The following LRRK2 variants were observed in gnomAD, a reference collection of about 807,000 sequenced individuals.
LRRK2 encodes leucine rich repeat kinase 2.
Under a neutral mutation model 302.6 loss-of-function variants are expected in LRRK2, and 203 were observed. The ratio of observed to expected loss-of-function variants is 0.67; its 90% CI spans 0.60 to 0.75. The LOEUF is 0.75. LRRK2 is among the 30% of genes least tolerant of loss of function. LRRK2 has a pLI of 0.00. For missense variants in LRRK2, 2,830 were observed against 2,951.0 expected (o/e 0.96, Z 0.95); for synonymous variants, 1,066 against 1,031.9 (o/e 1.03, Z -0.63).
chr12:40,288,242 T>G (rs1290147489), intron 20 of LRRK2, among the ~76,000 whole-genome samples: 2 of 151,838 alleles, frequency 1.3e-5, no homozygotes, highest in Non-Finnish European at 2.9e-5. Context: ...AAATCAAGTG[T>G]AGTGATTTAT....
At chr12:40,298,778 A>AATATATATATATATATATATATATATT (rs113272586) in intron 24 of LRRK2, among the ~76,000 whole-genome samples, 1 of 60,634 alleles carries the variant, frequency 1.6e-5, no homozygotes, top group Non-Finnish European at 3.2e-5. Flanking sequence ...GTCTCAAAGA[A>AATATATATATATATATATATATATATT]ATATATATAT....
intron 41 of LRRK2, among the ~76,000 whole-genome samples, chr12:40,341,298 G>T (rs536369318): frequency 6.6e-6 from 1 of 152,128 alleles, no homozygotes; most frequent in Non-Finnish European, 1.5e-5. Context: ...TTAAATCACC[G>T]TGCCTGGCAC....
chr12:40,348,456 T>C lies in LRRK2; in HGVS notation c.6328T>C (p.Leu2110=). 1 of 1,613,008 alleles carries C rather than the reference T, an allele frequency of 6.2e-7. No individual in the cohort carries two copies. Among genetic ancestry groups the C allele is most frequent in the Non-Finnish European group, 8.5e-7 (1 of 1,179,226 alleles). The change falls in exon 43 of 51, where the codon TTA becomes CTA. Residue 2110 remains leucine, a synonymous_variant. Coordinates refer to ENST00000298910, the MANE Select transcript of LRRK2 (RefSeq NM_198578.4). ...TGCCCCATGGCCTATGGTTGAGAAA[T>C]TAATTAAACAGTGTTTGAAAGAAAA... ...GCAPWPMVEK[L]IKQCLKENPQ...
At chr12:40,265,658 G>T (rs1219891542) in intron 14 of LRRK2, among the ~76,000 whole-genome samples, 1 of 152,128 alleles carries the variant, frequency 6.6e-6, no homozygotes. Flanking sequence ...CCACCCAGGG[G>T]TGTGTGTTTT....
At chr12:40,268,663 A>T (rs1202221431) in intron 14 of LRRK2, among the ~76,000 whole-genome samples, 1 of 152,172 alleles carries the variant, frequency 6.6e-6, no homozygotes, top group Non-Finnish European at 1.5e-5. Context: ...TGTATGAAAA[A>T]ATTAATACAT....
intron 39 of LRRK2, among the ~76,000 whole-genome samples, chr12:40,329,901 A>G (rs947250179): frequency 3.9e-5 from 6 of 152,172 alleles, no homozygotes; most frequent in African/African-American, 1.4e-4. Context: ...ATATTTTTAA[A>G]AAACGTACTT....
At chr12:40,338,150 T>C (rs940940266) in intron 40 of LRRK2, among the ~76,000 whole-genome samples, 24 of 150,896 alleles carry the variant, frequency 1.6e-4, no homozygotes, top group African/African-American at 5.3e-4. Flanking sequence ...TACCTCAGTG[T>C]TTTTCTCCCT....
Position 40,257,272 on chromosome 12 carries a change from C to T in LRRK2, c.1313C>T (p.Ser438Leu), listed in dbSNP as rs755782193. The part of the protein sequence containing the change: ...QNVNFRKILL[S>L]KGIHLNVLEL... ...GTTAATTTCAGAAAAATACTGTTAT[C>T]AAAAGGAATACACCTGAATGTTTTG... is the stretch of plus-strand genomic sequence containing the variant. The change falls in exon 12 of 51, where the codon TCA becomes TTA. Residue 438 changes from serine to leucine, a missense_variant. Ser to Leu is a moderately radical substitution (Grantham distance 145). Coordinates refer to ENST00000298910, the MANE Select transcript of LRRK2 (RefSeq NM_198578.4). 6.3e-7 allele frequency: 1 copy of T among 1,581,686 alleles called. No homozygotes were observed. The highest frequency in any genetic ancestry group is 8.7e-7 in the Non-Finnish European group (1 of 1,151,084).
chr12:40,250,750 C>A (rs1468791782), intron 8 of LRRK2, among the ~76,000 whole-genome samples: 2 of 152,202 alleles, frequency 1.3e-5, no homozygotes, highest in South Asian at 2.1e-4. Flanking sequence ...TAAGTGAGAA[C>A]ACGCAGTGTG....
At chr12:40,269,355 T>C (rs1381637645) in intron 14 of LRRK2, among the ~76,000 whole-genome samples, 1 of 152,168 alleles carries the variant, frequency 6.6e-6, no homozygotes, top group Non-Finnish European at 1.5e-5. Context: ...GGTTGAAGCA[T>C]GTGACTAATT....
intron 39 of LRRK2, among the ~76,000 whole-genome samples, chr12:40,334,417 C>G (rs1003348543): frequency 6.6e-6 from 1 of 152,108 alleles, no homozygotes; most frequent in African/African-American, 2.4e-5. Flanking sequence ...TTGACCTCCC[C>G]AAAAAACTGA....
intron 20 of LRRK2, among the ~76,000 whole-genome samples, chr12:40,292,828 T>A (rs1944211298): frequency 6.6e-6 from 1 of 152,000 alleles, no homozygotes; most frequent in African/African-American, 2.4e-5. Context: ...TTTTTATTGA[T>A]CTTTGTTTTC....
intron 37 of LRRK2, 51 bp from the exon 38 acceptor site, chr12:40,323,105 TTATG>T: frequency 1.3e-6 from 2 of 1,497,866 alleles, no homozygotes; most frequent in South Asian, 2.3e-5. Flanking sequence ...AACCACAAAT[TTATG>T]TATCTCCTTA....
intron 47 of LRRK2, among the ~76,000 whole-genome samples, chr12:40,362,009 C>A (rs574096121): frequency 5.9e-5 from 9 of 151,998 alleles, no homozygotes; most frequent in Non-Finnish European, 1.2e-4. Flanking sequence ...GGACCTTGAG[C>A]AAATTATTTA....
chr12:40,284,682 A>G (rs1943846823), intron 19 of LRRK2, among the ~76,000 whole-genome samples: 1 of 152,080 alleles, frequency 6.6e-6, no homozygotes, highest in African/African-American at 2.4e-5. Flanking sequence ...ATGGTAAGTT[A>G]CCATCTTCTG....
At chr12:40,253,449 G>A (rs372633248) in intron 11 of LRRK2, among the ~76,000 whole-genome samples, 9 of 152,108 alleles carry the variant, frequency 5.9e-5, no homozygotes, top group African/African-American at 2.2e-4. Flanking sequence ...GCAGTACCAT[G>A]ATCATGGCTC....
intron 14 of LRRK2, among the ~76,000 whole-genome samples, chr12:40,266,206 T>C (rs2136556041): frequency 6.6e-6 from 1 of 151,858 alleles, no homozygotes; most frequent in Admixed American, 6.6e-5. Flanking sequence ...ACCATCAGAG[T>C]GAACAGGCAA....
At chr12:40,251,055 A>T (rs1942247260) in intron 8 of LRRK2, among the ~76,000 whole-genome samples, 177 bp from the exon 9 acceptor site, 2 of 148,974 alleles carry the variant, frequency 1.3e-5, no homozygotes, top group African/African-American at 2.5e-5. Flanking sequence ...TCTGGATAGG[A>T]TGGTAGCATT....
At chr12:40,240,078 C>T (rs569661000) in intron 5 of LRRK2, among the ~76,000 whole-genome samples, 2 of 152,286 alleles carry the variant, frequency 1.3e-5, no homozygotes, top group African/African-American at 4.8e-5. Flanking sequence ...AACATTTAGC[C>T]GAGCTGCCCT....
Sources: gnomAD v4.1 joint callset for allele counts (sites outside exome capture counted in the v4.1 genomes callset) on GRCh38, gnomAD v4.1.1 for gene constraint, MANE v1.5 for transcripts, NCBI Gene and HGNC (gene_info 2026-07-23, HGNC 2026-07-21) for gene names.